The following CARM1 variants were observed in gnomAD, a reference collection of about 807,000 sequenced individuals.
CARM1 encodes the protein histone-arginine methyltransferase CARM1.
A neutral mutation model predicts 72.7 loss-of-function variants in CARM1; 14 were observed. That is an observed-to-expected ratio of 0.19 (90% CI 0.13 to 0.30). The LOEUF (loss-of-function observed/expected upper bound fraction) is 0.30, where lower values mean the gene tolerates loss of function less well. Ranked by LOEUF, CARM1 falls within the 10% of genes least tolerant of loss-of-function variation. The pLI is 1.00. For missense variants in CARM1, 432 were observed against 833.7 expected, an observed-to-expected ratio of 0.52 and a Z score of 5.93; for synonymous variants, 333 against 345.5, an observed-to-expected ratio of 0.96 and a Z score of 0.40.
chr19:10,912,329 C>A lies in CARM1; in HGVS notation c.669+35C>A. 1.3e-6 allele frequency: 2 copies of A among 1,510,752 alleles called. No individual in the cohort carries two copies. The highest frequency in any genetic ancestry group is 1.8e-6 in the Non-Finnish European group (2 of 1,087,800). 93.6% of individuals were successfully genotyped at this position (1,510,752 alleles called of 1,614,324 possible). On this transcript the variant is annotated intron_variant, in intron 5 of 15. Coordinates refer to ENST00000327064, the MANE Select transcript of CARM1 (RefSeq NM_199141.2). The surrounding 1 kb of genome is among the most constrained non-coding windows in gnomAD (Gnocchi z 4.5). The stretch of plus-strand genomic sequence containing the variant: ...CCGCTGGTGCCCACCCAGCCTCGTC[C>A]TCGCCCATGAGTGCCATGCCGGCCC...
chr19:10,876,233 C>T (rs1541595), intron 1 of CARM1, among the ~76,000 whole-genome samples: 37,985 of 151,980 alleles, frequency 0.25, 4,803 homozygotes, highest in Middle Eastern at 0.33. Flanking sequence ...ACTATTTTGC[C>T]CAGGCTGGTC....
chr19:10,900,897 A>G (rs1451273251), intron 1 of CARM1, among the ~76,000 whole-genome samples: 1 of 150,846 alleles, frequency 6.6e-6, no homozygotes, highest in Admixed American at 6.6e-5. Context: ...GTTAGCCAGG[A>G]TGGTCTCGAT....
intron 1 of CARM1, among the ~76,000 whole-genome samples, chr19:10,878,348 G>GTT (rs1169087237): frequency 6.6e-6 from 1 of 152,216 alleles, no homozygotes; most frequent in Non-Finnish European, 1.5e-5. Flanking sequence ...GCAGGCAGGA[G>GTT]TTGGGGTCTG....
chr19:10,921,817 C>G lies in CARM1; in HGVS notation c.*60C>G, dbSNP rs951630562. The G allele has an allele frequency of 2.0e-6, 3 of 1,503,752 alleles. No homozygotes were observed. Among genetic ancestry groups the G allele is most frequent in the Non-Finnish European group, 2.7e-6 (3 of 1,114,534 alleles). 93.2% of individuals were successfully genotyped at this position (1,503,752 alleles called of 1,614,324 possible). A position where few individuals can be genotyped will look rare whatever the true frequency, so the allele number is the denominator to read the frequency against. ...CAAATGATGTCCCTGCCCGCCGCCC[C>G]CGCCGGGCGGCTTTCCCCCTTGTAC... On this transcript the variant is annotated 3_prime_UTR_variant, in exon 16 of 16. Coordinates refer to ENST00000327064, the MANE Select transcript of CARM1 (RefSeq NM_199141.2).
chr19:10,904,854 AC>A, intron 1 of CARM1, 96 bp from the exon 2 acceptor site: 1 of 1,517,934 alleles, frequency 6.6e-7, no homozygotes, highest in South Asian at 1.2e-5. Context: ...ATCTGGGGGC[AC>A]CAAGGGGAGG....
At position 10,908,153 on chromosome 19, in the gene CARM1, G is replaced by T; in HGVS notation, c.453+8G>T. On this transcript the variant is annotated splice_region_variant and intron_variant, in intron 3 of 15. Coordinates refer to ENST00000327064, the MANE Select transcript of CARM1 (RefSeq NM_199141.2). ...GCCGTGCAGTACTTCCAGGTGGGTT[G>T]TACTCCCCCTCAGCCAGGCCGCCTC... is the stretch of plus-strand genomic sequence containing the variant. The T allele has an allele frequency of 6.3e-7, 1 of 1,596,394 alleles. No homozygotes were observed. The highest frequency in any genetic ancestry group is 8.6e-7 in the Non-Finnish European group (1 of 1,164,020).
At chr19:10,908,906 G>A (rs1268001169) in intron 3 of CARM1, among the ~76,000 whole-genome samples, 197 bp from the exon 4 acceptor site, 2 of 152,154 alleles carry the variant, frequency 1.3e-5, no homozygotes, top group African/African-American at 2.4e-5. Flanking sequence ...TGATAGTGGC[G>A]GTGTCCTCCT....
chr19:10,919,754 G>T, intron 9 of CARM1, 74 bp downstream of exon 9: 6 of 1,515,628 alleles, frequency 4.0e-6, no homozygotes, highest in Non-Finnish European at 5.5e-6. Context: ...GCTCCCGCCG[G>T]CATCCTGCCG....
chr19:10,894,459 A>G (rs2074009840), intron 1 of CARM1, among the ~76,000 whole-genome samples: 1 of 152,056 alleles, frequency 6.6e-6, no homozygotes, highest in Non-Finnish European at 1.5e-5. Flanking sequence ...TTGATCGGGA[A>G]TATTTTCCTC....
chr19:10,876,303 G>A (rs1288894191), intron 1 of CARM1, among the ~76,000 whole-genome samples: 2 of 152,214 alleles, frequency 1.3e-5, no homozygotes, highest in South Asian at 2.1e-4. Flanking sequence ...TAGGATTACA[G>A]ACGTGAGCCA....
intron 8 of CARM1, among the ~76,000 whole-genome samples, chr19:10,918,081 A>G (rs1217370438): frequency 6.6e-6 from 1 of 152,116 alleles, no homozygotes; most frequent in African/African-American, 2.4e-5. Flanking sequence ...TGGTGGTATT[A>G]TGCAAATTTT....
rs775222924 is a variant in CARM1 at position 10,871,837 on chromosome 19, C to T, written c.135C>T (p.Gly45=). The change falls in exon 1 of 16, where the codon GGC becomes GGT. Residue 45 remains glycine (G), a synonymous_variant. Coordinates refer to ENST00000327064, the MANE Select transcript of CARM1 (RefSeq NM_199141.2). The surrounding 1 kb of genome is among the most constrained non-coding windows in gnomAD (Gnocchi z 5.6). Reference sequence around the variant, plus strand: ...TCCTCACCATCGGCGACGCGAACGGCGAGATCCAGCGGCACGCGGAGCAGC... The same window carrying T: ...TCCTCACCATCGGCGACGCGAACGGTGAGATCCAGCGGCACGCGGAGCAGC... ...ARLLTIGDAN[G]EIQRHAEQQA... The T allele has an allele frequency of 1.7e-5, 22 of 1,297,838 alleles. 1 individual carries two copies. The South Asian group carries it at 3.9e-4, about 23-fold the overall frequency. The allele number at this position is 1,297,838 out of a possible 1,614,324, so 80.4% of individuals were successfully genotyped here.
chr19:10,871,680 C>T lies in CARM1; in HGVS notation c.-23C>T. The T allele has an allele frequency of 1.5e-6, 1 of 649,724 alleles. No homozygotes were observed. Among genetic ancestry groups the T allele is most frequent in the Non-Finnish European group, 1.9e-6 (1 of 527,046 alleles). The allele number at this position is 649,724 out of a possible 1,614,324, so 40.2% of individuals were successfully genotyped here. On this transcript the variant is annotated 5_prime_UTR_variant, in exon 1 of 16. Coordinates refer to ENST00000327064, the MANE Select transcript of CARM1 (RefSeq NM_199141.2). The surrounding 1 kb of genome is among the most constrained non-coding windows in gnomAD (Gnocchi z 5.6). ...GGCCCGGGCGCAGCGGCGGCGGCGG[C>T]GGGGCCTGGAGCCGGATCTAAGATG...
At chr19:10,921,302 G>C in intron 14 of CARM1, 73 bp from the exon 15 acceptor site, 1 of 1,550,856 alleles carries the variant, frequency 6.4e-7, no homozygotes, top group Non-Finnish European at 8.9e-7. Flanking sequence ...GCAGCCTGCT[G>C]CTGTGCATGG....
intron 3 of CARM1, among the ~76,000 whole-genome samples, 193 bp downstream of exon 3, chr19:10,908,338 T>G (rs1282048404): frequency 6.6e-6 from 1 of 152,178 alleles, no homozygotes; most frequent in African/African-American, 2.4e-5. Flanking sequence ...GAAGCGGAGA[T>G]GCAGGTGCCT....
chr19:10,908,887 C>T (rs969651325), intron 3 of CARM1: 9 of 465,182 alleles, frequency 1.9e-5, no homozygotes, highest in Non-Finnish European at 2.7e-5. Flanking sequence ...CTGTTGCCAT[C>T]GGCTGCAGTG....
intron 14 of CARM1, 114 bp downstream of exon 14, chr19:10,921,241 C>A: frequency 7.0e-7 from 1 of 1,434,974 alleles, no homozygotes; most frequent in Non-Finnish European, 9.8e-7. Flanking sequence ...TCACCTTTTC[C>A]TCTTCCTGGG....
chr19:10,916,538 G>A lies in CARM1; in HGVS notation c.938+41G>A. ...GTGTCCCGCCTGGGCCCCACAGCCT[G>A]CCTTCTCAGGGACAGCCCCAGCTCC... On this transcript the variant is annotated intron_variant, in intron 7 of 15. Coordinates refer to ENST00000327064, the MANE Select transcript of CARM1 (RefSeq NM_199141.2). The surrounding 1 kb of genome is among the most constrained non-coding windows in gnomAD (Gnocchi z 4.4). 6.6e-7 allele frequency: 1 copy of A among 1,519,916 alleles called. No individual in the cohort carries two copies. Among genetic ancestry groups the A allele is most frequent in the Non-Finnish European group, 9.1e-7 (1 of 1,095,898 alleles). The allele number at this position is 1,519,916 out of a possible 1,614,324, so 94.2% of individuals were successfully genotyped here.
At position 10,871,589 on chromosome 19, in the gene CARM1, A is replaced by AGCGGCGGCGGCGGCGGCG. The variant is rs1184781686; in HGVS notation, c.-81_-64dup. On this transcript the variant is annotated 5_prime_UTR_variant, in exon 1 of 16. Transcript: ENST00000327064. The surrounding 1 kb of genome is among the most constrained non-coding windows in gnomAD (Gnocchi z 5.6). ...CGGCGGCTGCGGCGGCGGTAGCGGC[A>AGCGGCGGCGGCGGCGGCG]GCGGCGGCGGCGGCGGCGGCGGCGG... is the stretch of plus-strand genomic sequence containing the variant. The AGCGGCGGCGGCGGCGGCG allele has an allele frequency of 3.5e-3, 410 of 117,066 alleles. 3 individuals carry two copies. Among genetic ancestry groups the AGCGGCGGCGGCGGCGGCG allele is most frequent in the East Asian group, 8.3e-3 (33 of 3,966 alleles). 7.3% of individuals were successfully genotyped at this position (117,066 alleles called of 1,614,324 possible). A position where few individuals can be genotyped will look rare whatever the true frequency, so the allele number is the denominator to read the frequency against.
Sources: gnomAD v4.1 joint callset for allele counts (sites outside exome capture counted in the v4.1 genomes callset) on GRCh38, gnomAD v4.1.1 for gene constraint, Gnocchi (gnomAD v3.1) non-coding constraint, MANE v1.5 for transcripts, NCBI Gene and HGNC (gene_info 2026-07-23, HGNC 2026-07-21) for gene names.